Variants in KANSL1 observed in about 807,000 individuals in gnomAD.
The protein encoded by KANSL1 is MLL1/MLL complex subunit KANSL1.
KANSL1 carries 22 observed loss-of-function variants against 103.6 expected under a neutral mutation model. The observed-to-expected ratio is 0.21, with a 90% CI of 0.15 to 0.30. KANSL1 has a LOEUF of 0.30. KANSL1 is among the 10% of genes least tolerant of loss of function. The pLI is 1.00. For synonymous variants in KANSL1, 600 were observed against 527.6 expected (o/e 1.14, Z -1.88); for missense variants, 1,337 against 1,399.8 (o/e 0.96, Z 0.72).
At chr17:46,212,429 C>T (rs1426795743) in intron 1 of KANSL1, among the ~76,000 whole-genome samples, 3 of 152,162 alleles carry the variant, frequency 2.0e-5, no homozygotes, top group Non-Finnish European at 4.4e-5. Context: ...CCATGTTGGC[C>T]AGGATGGTCT....
intron 1 of KANSL1, chr17:46,223,049 A>G (rs1337792679): frequency 6.7e-6 from 1 of 149,800 alleles, no homozygotes; most frequent in Admixed American, 6.7e-5. Context: ...TCATCTGTCC[A>G]CACTGTCCAA....
At chr17:46,060,136 G>GA (rs1258200506) in intron 6 of KANSL1, among the ~76,000 whole-genome samples, 2 of 152,060 alleles carry the variant, frequency 1.3e-5, no homozygotes, top group African/African-American at 4.8e-5. Flanking sequence ...ACTTATGAAG[G>GA]AATTAATACC....
intron 1 of KANSL1, among the ~76,000 whole-genome samples, chr17:46,214,364 G>C (rs2048273468): frequency 6.6e-6 from 1 of 152,150 alleles, no homozygotes. Context: ...TCAAGAGCAA[G>C]CAGTGATGGC....
chr17:46,056,407 C>A (rs1055195044), intron 6 of KANSL1, among the ~76,000 whole-genome samples: 16 of 152,088 alleles, frequency 1.1e-4, no homozygotes, highest in Non-Finnish European at 1.8e-4. Flanking sequence ...AGCCAGACTG[C>A]CTGGGTTTGA....
intron 2 of KANSL1, among the ~76,000 whole-genome samples, chr17:46,153,859 A>G (rs1597817817): frequency 6.6e-6 from 1 of 152,354 alleles, no homozygotes; most frequent in East Asian, 1.9e-4. Context: ...AAGTCAGGTA[A>G]GAAAAGAGTG....
chr17:46,147,572 TAAAAA>T (rs10717937), intron 2 of KANSL1, among the ~76,000 whole-genome samples: 1 of 103,068 alleles, frequency 9.7e-6, no homozygotes, highest in Non-Finnish European at 1.8e-5. Context: ...TGAGACTCTT[TAAAAA>T]AAAAAAAAAA....
chr17:46,074,485 T>C (rs1324998045), intron 4 of KANSL1, among the ~76,000 whole-genome samples: 2 of 152,006 alleles, frequency 1.3e-5, no homozygotes, highest in African/African-American at 4.8e-5. Flanking sequence ...GAAAAAGTCA[T>C]CAGTGAACAA....
intron 2 of KANSL1, among the ~76,000 whole-genome samples, chr17:46,167,359 G>A (rs938039317): frequency 6.6e-6 from 1 of 152,148 alleles, no homozygotes; most frequent in Non-Finnish European, 1.5e-5. Context: ...ACATACATAT[G>A]ATAATTAAAT....
chr17:46,166,963 T>C (rs970848534), intron 2 of KANSL1, among the ~76,000 whole-genome samples: 1 of 152,016 alleles, frequency 6.6e-6, no homozygotes, highest in African/African-American at 2.4e-5. Flanking sequence ...TATGAGGTTA[T>C]TTTTATACTG....
chr17:46,033,887 T>C (rs1157576784), intron 11 of KANSL1, among the ~76,000 whole-genome samples: 3 of 152,220 alleles, frequency 2.0e-5, no homozygotes, highest in Non-Finnish European at 2.9e-5. Context: ...AAATTCAGTA[T>C]TTTAAAACAT....
chr17:46,096,312 T>TTTTTTTTTTTTTTTTTTTTTC (rs2042074739), intron 2 of KANSL1, among the ~76,000 whole-genome samples: 10 of 60,620 alleles, frequency 1.6e-4, no homozygotes, highest in Non-Finnish European at 3.1e-5. Flanking sequence ...CTTTTTTTTC[T>TTTTTTTTTTTTTTTTTTTTTC]TTTTTTTTTT....
At chr17:46,124,483 A>C (rs1028410854) in intron 2 of KANSL1, among the ~76,000 whole-genome samples, 8 of 152,250 alleles carry the variant, frequency 5.3e-5, no homozygotes, top group Non-Finnish European at 1.0e-4. Context: ...CTGTTAACAC[A>C]ACATCCATTG....
In KANSL1 at chr17:46,170,980, T is replaced by C; in HGVS notation, c.1164A>G (p.Ile388Met). The change falls in exon 2 of 15, where the codon ATA (isoleucine) becomes ATG (methionine). Residue 388 changes from isoleucine (I) to methionine (M), a missense_variant. Physicochemically the swap from Ile to Met is conservative, Grantham distance 10. Transcript: ENST00000432791. Reference protein sequence around the residue: ...EELERFTASGIANLRCSEQAF... With the variant: ...EELERFTASGMANLRCSEQAF... ...CCTGTTCACTGCACCTCAAGTTGGC[T>C]ATGCCACTAGCTGTAAATCTCTCCA... 1.2e-6 allele frequency: 2 copies of C among 1,614,222 alleles called. No individual in the cohort carries two copies. Among genetic ancestry groups the C allele is most frequent in the Non-Finnish European group, 1.7e-6 (2 of 1,180,052 alleles).
chr17:46,087,126 G>A (rs2079193552), intron 3 of KANSL1, among the ~76,000 whole-genome samples: 1 of 152,142 alleles, frequency 6.6e-6, no homozygotes, highest in South Asian at 2.1e-4. Flanking sequence ...CAAGATAGGA[G>A]GGAAAAGAGT....
intron 1 of KANSL1, among the ~76,000 whole-genome samples, chr17:46,200,178 G>A (rs1293070364): frequency 2.0e-5 from 3 of 152,184 alleles, no homozygotes; most frequent in African/African-American, 7.2e-5. Flanking sequence ...CATAGAAGGA[G>A]TATTCTAATA....
chr17:46,048,136 G>A (rs1298343529), intron 7 of KANSL1, among the ~76,000 whole-genome samples: 1 of 151,990 alleles, frequency 6.6e-6, no homozygotes, highest in Non-Finnish European at 1.5e-5. Flanking sequence ...TCAAACTTCT[G>A]ACCTCAGATG....
At chr17:46,106,980 A>T (rs1268779874) in intron 2 of KANSL1, among the ~76,000 whole-genome samples, 1 of 152,222 alleles carries the variant, frequency 6.6e-6, no homozygotes, top group Non-Finnish European at 1.5e-5. Context: ...AAACTCTGAA[A>T]GATAGAAAAG....
chr17:46,128,567 C>T (rs1247944261), intron 2 of KANSL1, among the ~76,000 whole-genome samples: 1 of 152,170 alleles, frequency 6.6e-6, no homozygotes, highest in Non-Finnish European at 1.5e-5. Context: ...AGTTGACAGT[C>T]AATAACACCT....
rs1040576904 is a variant in KANSL1 at position 46,030,068 on chromosome 17, G to A, written c.*1408C>T. 2.0e-5 allele frequency: 3 copies of A among 150,754 alleles called. No individual in the cohort carries two copies. The highest frequency in any genetic ancestry group is 4.9e-5 in the African/African-American group (2 of 40,756). 9.3% of individuals were successfully genotyped at this position (150,754 alleles called of 1,614,324 possible). ...TAGAACAAAGACAGCTACATGTTTC[G>A]CTGCCATTACACAGCTCCAAAGCAG... On this transcript the variant is annotated 3_prime_UTR_variant, in exon 15 of 15. Coordinates refer to ENST00000432791, the MANE Select transcript of KANSL1 (RefSeq NM_015443.4).
Sources: allele counts gnomAD v4.1 joint callset (sites outside exome capture counted in the v4.1 genomes callset), GRCh38; gene constraint gnomAD v4.1.1; transcripts MANE v1.5; gene names NCBI Gene and HGNC (gene_info 2026-07-23, HGNC 2026-07-21).